PDE7B: variants seen among roughly 807,000 people sequenced by gnomAD.
The protein encoded by PDE7B is phosphodiesterase 7B, also known as 3',5'-cyclic-AMP phosphodiesterase 7B.
PDE7B carries 29 observed loss-of-function variants against 56.2 expected under a neutral mutation model. The observed-to-expected ratio is 0.52, with a 90% CI of 0.38 to 0.70. The LOEUF (loss-of-function observed/expected upper bound fraction) is 0.70. Ranked by LOEUF, PDE7B falls within the 30% of genes least tolerant of loss-of-function variation. The pLI, the probability that PDE7B is intolerant of heterozygous loss-of-function variation, is 0.00. For missense variants in PDE7B, 490 were observed against 565.0 expected (o/e 0.87, Z 1.35); for synonymous variants, 197 against 196.9 (o/e 1.00, Z 0.00).
chr6:135,921,170 G>A (rs9376165), intron 1 of PDE7B, among the ~76,000 whole-genome samples: 20,954 of 152,104 alleles, frequency 0.14, 1,724 homozygotes, highest in East Asian at 0.39. Context: ...TCGTTTCTTG[G>A]ATAACAGGCT....
At chr6:135,873,872 A>G (rs1240947398) in intron 1 of PDE7B, among the ~76,000 whole-genome samples, 5 of 152,198 alleles carry the variant, frequency 3.3e-5, no homozygotes, top group African/African-American at 1.2e-4. Flanking sequence ...CCATCTATTC[A>G]TTAATTCATT....
chr6:135,872,352 C>T (rs946610417), intron 1 of PDE7B, among the ~76,000 whole-genome samples: 2 of 152,150 alleles, frequency 1.3e-5, no homozygotes, highest in African/African-American at 4.8e-5. Context: ...ATTGCTCAGG[C>T]TTTTCTTGTA....
At chr6:136,161,099 AAATAT>A (rs1342740012) in intron 8 of PDE7B, among the ~76,000 whole-genome samples, 1 of 152,188 alleles carries the variant, frequency 6.6e-6, no homozygotes, top group Non-Finnish European at 1.5e-5. Context: ...TATTTTACTC[AAATAT>A]AATATACAAT....
At chr6:136,080,966 C>T (rs1777197627) in intron 2 of PDE7B, among the ~76,000 whole-genome samples, 1 of 152,240 alleles carries the variant, frequency 6.6e-6, no homozygotes, top group South Asian at 2.1e-4. Flanking sequence ...TGAAACATAG[C>T]TCTAAATTAG....
At chr6:136,022,817 C>T (rs113474789) in intron 2 of PDE7B, among the ~76,000 whole-genome samples, 1 of 152,154 alleles carries the variant, frequency 6.6e-6, no homozygotes, top group Non-Finnish European at 1.5e-5. Context: ...CCAGAGTTAG[C>T]CCATGGTCTT....
In PDE7B at chr6:136,052,047, T is replaced by TA. The variant is rs79463029; in HGVS notation, c.83-56672dup. On this transcript the variant is annotated intron_variant, in intron 2 of 12. Transcript: ENST00000308191. ...TATTACATTACATGTACATTTAAAGTAAAAAAAAAAAAGGCTGAGGATAAA... is the reference window on the plus strand; with the variant it reads ...TATTACATTACATGTACATTTAAAGTAAAAAAAAAAAAAGGCTGAGGATAAA... 9.6e-3 allele frequency among the ~76,000 whole-genome samples: 1,348 copies of TA among 139,996 alleles called. 24 individuals carry two copies. The highest frequency in any genetic ancestry group is 0.058 in the East Asian group (281 of 4,848). 91.8% of individuals were successfully genotyped at this position (139,996 alleles called of 152,430 possible). A position where few individuals can be genotyped will look rare whatever the true frequency, so the allele number is the denominator to read the frequency against.
chr6:136,065,273 C>T (rs559835494), intron 2 of PDE7B, among the ~76,000 whole-genome samples: 6 of 152,262 alleles, frequency 3.9e-5, no homozygotes, highest in African/African-American at 9.6e-5. Flanking sequence ...TCAAATTAGA[C>T]GTTTGCTTCA....
intron 2 of PDE7B, among the ~76,000 whole-genome samples, chr6:135,962,444 C>T (rs988911822): frequency 3.3e-5 from 5 of 152,132 alleles, no homozygotes; most frequent in Non-Finnish European, 7.4e-5. Context: ...ATTCAAGAAG[C>T]GTTTTTGCTA....
intron 2 of PDE7B, among the ~76,000 whole-genome samples, chr6:136,092,338 T>A (rs1271899595): frequency 6.6e-6 from 1 of 152,230 alleles, no homozygotes; most frequent in Admixed American, 6.5e-5. Context: ...TTTGCAGATA[T>A]GTTTGCAAAA....
chr6:135,942,156 C>T (rs1774516453), intron 1 of PDE7B, among the ~76,000 whole-genome samples: 1 of 152,076 alleles, frequency 6.6e-6, no homozygotes, highest in South Asian at 2.1e-4. Flanking sequence ...TCATTTAATA[C>T]TTAAGGGTGA....
At chr6:136,086,615 C>T (rs1286262047) in intron 2 of PDE7B, among the ~76,000 whole-genome samples, 1 of 152,224 alleles carries the variant, frequency 6.6e-6, no homozygotes, top group Non-Finnish European at 1.5e-5. Flanking sequence ...TCCAGTTTCT[C>T]TTTCCCCCAT....
At chr6:135,922,183 T>C (rs193042964) in intron 1 of PDE7B, among the ~76,000 whole-genome samples, 11 of 152,304 alleles carry the variant, frequency 7.2e-5, no homozygotes, top group African/African-American at 2.6e-4. Context: ...TCTCAAGCCT[T>C]TATTTCCTCA....
chr6:136,159,824 A>G (rs1292721796), intron 8 of PDE7B, among the ~76,000 whole-genome samples: 2 of 152,242 alleles, frequency 1.3e-5, no homozygotes, highest in Non-Finnish European at 2.9e-5. Flanking sequence ...TAATCAAAGA[A>G]AGTGTCCAAC....
At chr6:136,077,101 T>A (rs1342906107) in intron 2 of PDE7B, among the ~76,000 whole-genome samples, 1 of 19,756 alleles carries the variant, frequency 5.1e-5, no homozygotes. Flanking sequence ...AAGTGGGAGG[T>A]GGGGGTGGGA....
At chr6:135,880,701 G>C (rs1221321804) in intron 1 of PDE7B, among the ~76,000 whole-genome samples, 1 of 152,230 alleles carries the variant, frequency 6.6e-6, no homozygotes, top group Non-Finnish European at 1.5e-5. Flanking sequence ...GAGAGAGGCA[G>C]AGGAAGTTAA....
At chr6:135,859,148 A>G (rs1775096207) in intron 1 of PDE7B, among the ~76,000 whole-genome samples, 1 of 152,120 alleles carries the variant, frequency 6.6e-6, no homozygotes, top group South Asian at 2.1e-4. Context: ...GTCATTCACA[A>G]AAGTGTAGAA....
At chr6:135,891,592 G>A (rs1271520255) in intron 1 of PDE7B, among the ~76,000 whole-genome samples, 1 of 152,136 alleles carries the variant, frequency 6.6e-6, no homozygotes, top group Non-Finnish European at 1.5e-5. Flanking sequence ...AGTGGTCCAC[G>A]CCAGAATCAT....
Position 136,046,042 on chromosome 6 carries a change from GAAAA to G in PDE7B, c.83-62688_83-62685del, listed in dbSNP as rs370102074. Among the ~76,000 whole-genome samples, 27 of 151,982 alleles carry G rather than the reference GAAAA, an allele frequency of 1.8e-4. No individual in the cohort carries two copies. The South Asian group carries it at 5.6e-3, about 32-fold the overall frequency. On this transcript the variant is annotated intron_variant, in intron 2 of 12. Transcript: ENST00000308191. ...ATAAACGTAAGTGACAAGCACTTCAGAAAACCTGCAGGACATTACATTTAGAGGA... is the reference window on the plus strand; with the variant it reads ...ATAAACGTAAGTGACAAGCACTTCAGCCTGCAGGACATTACATTTAGAGGA...
At position 136,147,373 on chromosome 6, in the gene PDE7B, TG is replaced by T. The variant is rs767321812; in HGVS notation, c.191del (p.Gly64AlafsTer6). On this transcript the variant is annotated frameshift_variant, in exon 4 of 13. Transcript: ENST00000308191. LOFTEE classifies it high-confidence loss of function. ...CAGGTACAACATACTCAGGGGAGAT[TG>T]GCACCAAGAAAAAGGTGAAAAGACT... ...LNSTTYSGEI[G>X]TKKKVKRLLS... 1.2e-6 allele frequency: 2 copies of T among 1,612,978 alleles called. No homozygotes were observed. Among genetic ancestry groups the T allele is most frequent in the Non-Finnish European group, 1.7e-6 (2 of 1,179,046 alleles).
Sources: allele counts gnomAD v4.1 joint callset (sites outside exome capture counted in the v4.1 genomes callset), GRCh38; gene constraint gnomAD v4.1.1; transcripts MANE v1.5; gene names NCBI Gene and HGNC (gene_info 2026-07-23, HGNC 2026-07-21).